KAZN: variants seen among roughly 807,000 people sequenced by gnomAD.
KAZN encodes the protein kazrin, periplakin interacting protein.
Under a neutral mutation model 87.4 loss-of-function variants are expected in KAZN, and 40 were observed. The observed-to-expected ratio is 0.46, with a 90% confidence interval of 0.36 to 0.60. The LOEUF (loss-of-function observed/expected upper bound fraction) is 0.60. KAZN is among the 20% of genes least tolerant of loss of function. The pLI, the probability that KAZN is intolerant of heterozygous loss-of-function variation, is 0.00. For synonymous variants in KAZN, 466 were observed against 458.3 expected, an observed-to-expected ratio of 1.02 and a Z score of -0.22; for missense variants, 898 against 1,073.9, an observed-to-expected ratio of 0.84 and a Z score of 2.29.
intron 1 of KAZN, among the ~76,000 whole-genome samples, chr1:14,893,904 C>A (rs111322979): frequency 1.3e-5 from 2 of 152,192 alleles, no homozygotes; most frequent in African/African-American, 4.8e-5. Context: ...CATTTTTAGC[C>A]GAAAAGAAGA....
intron 2 of KAZN, among the ~76,000 whole-genome samples, chr1:14,394,774 TGAACGCA>T (rs1336640268): frequency 6.6e-6 from 1 of 152,196 alleles, no homozygotes; most frequent in Admixed American, 6.5e-5. Context: ...ATTATCTTGT[TGAACGCA>T]GTAAGAACTC....
intron 1 of KAZN, among the ~76,000 whole-genome samples, chr1:13,964,390 A>G (rs531813412): frequency 6.6e-6 from 1 of 152,342 alleles, no homozygotes; most frequent in African/African-American, 2.4e-5. Flanking sequence ...CGTAACAAAT[A>G]GTCACACAAC....
At chr1:14,152,599 A>G (rs1645500871) in intron 1 of KAZN, among the ~76,000 whole-genome samples, 1 of 152,184 alleles carries the variant, frequency 6.6e-6, no homozygotes, top group East Asian at 1.9e-4. Context: ...ATTGATGGAC[A>G]CTTAAGTTGC....
intron 1 of KAZN, among the ~76,000 whole-genome samples, chr1:14,109,283 C>T (rs1463031740): frequency 6.6e-6 from 1 of 152,140 alleles, no homozygotes; most frequent in Non-Finnish European, 1.5e-5. Flanking sequence ...CAGGGGTGGG[C>T]CAGTAGCCCT....
intron 1 of KAZN, among the ~76,000 whole-genome samples, chr1:14,704,731 G>GA (rs1642117571): frequency 6.6e-6 from 1 of 152,156 alleles, no homozygotes; most frequent in Non-Finnish European, 1.5e-5. Flanking sequence ...CCTGCCACAG[G>GA]AGGGAACCTG....
chr1:14,702,367 G>GTGC (rs1641978149), intron 1 of KAZN, among the ~76,000 whole-genome samples: 1 of 52,698 alleles, frequency 1.9e-5, no homozygotes, highest in Non-Finnish European at 4.4e-5. Flanking sequence ...TGTGTGTGTG[G>GTGC]ATTTCTCTGT....
chr1:14,284,546 T>C (rs1168356698), intron 2 of KAZN, among the ~76,000 whole-genome samples: 1 of 152,198 alleles, frequency 6.6e-6, no homozygotes, highest in Admixed American at 6.5e-5. Flanking sequence ...AAGATTCTGT[T>C]GGACTTTGCA....
intron 2 of KAZN, among the ~76,000 whole-genome samples, chr1:14,282,491 C>A (rs183413570): frequency 3.7e-4 from 57 of 152,304 alleles, no homozygotes; most frequent in African/African-American, 1.3e-3. Context: ...TAACATGTAT[C>A]CCTCTCATTC....
intron 1 of KAZN, among the ~76,000 whole-genome samples, chr1:13,929,359 T>C (rs1386394731): frequency 2.6e-5 from 4 of 152,156 alleles, no homozygotes; most frequent in Non-Finnish European, 4.4e-5. Flanking sequence ...TATACATTCA[T>C]TGGAGAGCGA....
intron 2 of KAZN, among the ~76,000 whole-genome samples, chr1:14,525,736 A>G (rs1671828861): frequency 6.6e-6 from 1 of 152,268 alleles, no homozygotes; most frequent in South Asian, 2.1e-4. Flanking sequence ...ACAAAAGTCA[A>G]TTCAATCCAT....
chr1:15,094,456 C>T lies in KAZN; in HGVS notation c.1428+71C>T, dbSNP rs924623648. On this transcript the variant is annotated intron_variant, in intron 9 of 14. Coordinates refer to ENST00000376030, the MANE Select transcript of KAZN (RefSeq NM_201628.3). The surrounding 1 kb of genome is among the most constrained non-coding windows in gnomAD (Gnocchi z 4.5). Reference sequence around the variant, plus strand: ...TGAGCTTTACGTACCCAGAAGCTGGCCTGCCCCCCACTCCTACCCTGGAGT... The same window carrying T: ...TGAGCTTTACGTACCCAGAAGCTGGTCTGCCCCCCACTCCTACCCTGGAGT... 13 of 1,409,932 alleles carry T rather than the reference C, an allele frequency of 9.2e-6. No individual in the cohort carries two copies. Among genetic ancestry groups the T allele is most frequent in the Middle Eastern group, 1.8e-4 (1 of 5,558 alleles). 87.3% of individuals were successfully genotyped at this position (1,409,932 alleles called of 1,614,324 possible).
At chr1:14,725,744 T>C (rs1356088509) in intron 1 of KAZN, among the ~76,000 whole-genome samples, 1 of 152,126 alleles carries the variant, frequency 6.6e-6, no homozygotes, top group Non-Finnish European at 1.5e-5. Context: ...GAGCCTCCCT[T>C]AGCTCAGCTC....
intron 1 of KAZN, among the ~76,000 whole-genome samples, chr1:14,910,876 A>G (rs984348037): frequency 2.6e-5 from 4 of 152,190 alleles, no homozygotes; most frequent in Admixed American, 1.3e-4. Flanking sequence ...GTCGGCAACT[A>G]ATGTGAATTG....
At chr1:14,225,023 C>T (rs1168657298) in intron 2 of KAZN, among the ~76,000 whole-genome samples, 1 of 151,976 alleles carries the variant, frequency 6.6e-6, no homozygotes, top group Non-Finnish European at 1.5e-5. Flanking sequence ...TACTCCTATT[C>T]AACATAGTAC....
At chr1:14,605,635 A>G (rs1273532950) in intron 1 of KAZN, among the ~76,000 whole-genome samples, 2 of 152,156 alleles carry the variant, frequency 1.3e-5, no homozygotes, top group African/African-American at 4.8e-5. Flanking sequence ...CATTAAGTGG[A>G]AGTGGATCAT....
In KAZN at chr1:15,081,561, CGTGTGT is replaced by C. The variant is rs139092577; in HGVS notation, c.1223-12605_1223-12600del. On this transcript the variant is annotated intron_variant, in intron 8 of 14. Coordinates refer to ENST00000376030, the MANE Select transcript of KAZN (RefSeq NM_201628.3). The surrounding 1 kb of genome is among the most constrained non-coding windows in gnomAD (Gnocchi z 4.1). ...GAAAGGTTCCAGGAATTAATGACAG[CGTGTGT>C]GTGTGTGTGTGTGAGTGTGTGTGTT... Among the ~76,000 whole-genome samples the C allele has an allele frequency of 1.3e-5, 2 of 149,676 alleles. No homozygotes were observed. Among genetic ancestry groups the C allele is most frequent in the Admixed American group, 6.6e-5 (1 of 15,040 alleles).
intron 1 of KAZN, among the ~76,000 whole-genome samples, chr1:14,895,488 C>A (rs1486616911): frequency 6.6e-6 from 1 of 152,232 alleles, no homozygotes; most frequent in African/African-American, 2.4e-5. Context: ...CACAGCCCAT[C>A]CCTCAGCAGC....
chr1:14,545,040 G>A (rs1416882134), intron 2 of KAZN, among the ~76,000 whole-genome samples: 1 of 152,128 alleles, frequency 6.6e-6, no homozygotes, highest in East Asian at 1.9e-4. Context: ...CTGGCAAAGG[G>A]CCATACAATA....
intron 1 of KAZN, among the ~76,000 whole-genome samples, chr1:14,832,420 C>G (rs998175177): frequency 5.9e-5 from 9 of 152,156 alleles, no homozygotes; most frequent in African/African-American, 2.2e-4. Flanking sequence ...GAGGATGACT[C>G]TTTCCCAGAC....
Sources: allele counts gnomAD v4.1 joint callset (sites outside exome capture counted in the v4.1 genomes callset), GRCh38; gene constraint gnomAD v4.1.1; non-coding constraint Gnocchi (gnomAD v3.1); transcripts MANE v1.5; gene names NCBI Gene and HGNC (gene_info 2026-07-23, HGNC 2026-07-21).